Variants in EIF4E observed in about 807,000 individuals in gnomAD.
EIF4E encodes eIF-4F 25 kDa subunit.
For missense variants in EIF4E, 113 were observed against 265.6 expected (o/e 0.43, Z 3.99); for synonymous variants, 71 against 88.5 (o/e 0.80, Z 1.11).
chr4:98,906,546 C>G (rs554497787), intron 1 of EIF4E, among the ~76,000 whole-genome samples: 1 of 152,078 alleles, frequency 6.6e-6, no homozygotes, highest in Admixed American at 6.6e-5. Flanking sequence ...GGCATGGTGG[C>G]TCATCCCTGT....
At chr4:98,898,670 CAT>C (rs750651594) in intron 2 of EIF4E, among the ~76,000 whole-genome samples, 12 of 151,740 alleles carry the variant, frequency 7.9e-5, no homozygotes, top group South Asian at 2.1e-4. Flanking sequence ...CTTAGGTTAA[CAT>C]GTGATAGATT....
At chr4:98,915,387 A>G (rs2028686) in intron 1 of EIF4E, among the ~76,000 whole-genome samples, 13,236 of 152,134 alleles carry the variant, frequency 0.087, 1,275 homozygotes, top group East Asian at 0.49. Flanking sequence ...ATTACAGATT[A>G]TTTTTTCACA....
chr4:98,919,718 C>G (rs959686800), intron 1 of EIF4E, among the ~76,000 whole-genome samples: 1 of 151,868 alleles, frequency 6.6e-6, no homozygotes, highest in Non-Finnish European at 1.5e-5. Context: ...GCCACCACAC[C>G]CAGCTAATTT....
intron 2 of EIF4E, chr4:98,895,550 C>T (rs1724343802): frequency 6.6e-6 from 1 of 152,102 alleles, no homozygotes; most frequent in African/African-American, 2.4e-5. Flanking sequence ...ATAATTAATG[C>T]TTGGTAACTT....
chr4:98,914,403 T>G (rs1579178657), intron 1 of EIF4E, among the ~76,000 whole-genome samples: 1 of 145,120 alleles, frequency 6.9e-6, no homozygotes, highest in African/African-American at 2.6e-5. Context: ...TTTTTTTTTT[T>G]GCTTTTGACC....
At chr4:98,882,869 T>C (rs912149695) in intron 6 of EIF4E, among the ~76,000 whole-genome samples, 2 of 152,150 alleles carry the variant, frequency 1.3e-5, no homozygotes, top group African/African-American at 4.8e-5. Flanking sequence ...AATTAGGTTT[T>C]GATGCTGGAA....
chr4:98,907,037 A>G (rs1203165777), intron 1 of EIF4E, among the ~76,000 whole-genome samples: 1 of 152,198 alleles, frequency 6.6e-6, no homozygotes, highest in Non-Finnish European at 1.5e-5. Context: ...TGTTAAGTGA[A>G]TGGTTACCTG....
intron 1 of EIF4E, chr4:98,909,430 A>C (rs548848418): frequency 2.1e-6 from 1 of 475,408 alleles, no homozygotes; most frequent in South Asian, 4.0e-5. Flanking sequence ...ACAATCACAT[A>C]AAAAGAATCA....
chr4:98,928,431 C>T (rs1721315511), intron 1 of EIF4E, among the ~76,000 whole-genome samples: 1 of 152,084 alleles, frequency 6.6e-6, no homozygotes, highest in African/African-American at 2.4e-5. Flanking sequence ...TCTCGCTTCC[C>T]CTGGCGCAAA....
chr4:98,910,067 T>C, intron 1 of EIF4E: 1 of 275,964 alleles, frequency 3.6e-6, no homozygotes, highest in Non-Finnish European at 6.6e-6. Context: ...ACTGAAAAAC[T>C]GCCTCAGGCT....
intron 5 of EIF4E, among the ~76,000 whole-genome samples, chr4:98,885,483 T>C (rs372162177): frequency 1.3e-5 from 2 of 152,330 alleles, no homozygotes; most frequent in South Asian, 2.1e-4. Context: ...GGTCTTGCTC[T>C]GTCACCCTGG....
At chr4:98,881,409 G>T (rs1560631124) in intron 6 of EIF4E, among the ~76,000 whole-genome samples, 1 of 151,702 alleles carries the variant, frequency 6.6e-6, no homozygotes, top group African/African-American at 2.4e-5. Context: ...TTATTATATT[G>T]TTATTTATTA....
chr4:98,910,228 C>T (rs1056874749), intron 1 of EIF4E, among the ~76,000 whole-genome samples: 10 of 151,970 alleles, frequency 6.6e-5, no homozygotes, highest in Admixed American at 5.9e-4. Flanking sequence ...TATACTCCTC[C>T]CTTAACCGAG....
intron 1 of EIF4E, among the ~76,000 whole-genome samples, chr4:98,908,569 T>C (rs1246907867): frequency 6.6e-6 from 1 of 152,172 alleles, no homozygotes; most frequent in Non-Finnish European, 1.5e-5. Context: ...AATAAAGGTA[T>C]GAAATAATGA....
chr4:98,928,505 G>A (rs991991921), intron 1 of EIF4E, among the ~76,000 whole-genome samples: 19 of 152,142 alleles, frequency 1.2e-4, no homozygotes, highest in Admixed American at 1.2e-3. Flanking sequence ...CCCTAAGCGA[G>A]GTCGAAGCTC....
intron 2 of EIF4E, among the ~76,000 whole-genome samples, chr4:98,900,245 C>T (rs1292140248): frequency 1.3e-5 from 2 of 152,066 alleles, no homozygotes; most frequent in Middle Eastern, 3.2e-3. Context: ...CAACCTAATA[C>T]ATGTGGTACA....
At chr4:98,924,328 C>T (rs1038066859) in intron 1 of EIF4E, among the ~76,000 whole-genome samples, 2 of 152,188 alleles carry the variant, frequency 1.3e-5, no homozygotes, top group East Asian at 1.9e-4. Context: ...CTACCCACCT[C>T]GGCCTCCCAA....
At chr4:98,889,084 A>G (rs1273830968) in intron 3 of EIF4E, among the ~76,000 whole-genome samples, 1 of 151,714 alleles carries the variant, frequency 6.6e-6, no homozygotes, top group African/African-American at 2.4e-5. Flanking sequence ...GCTTGAACCC[A>G]GGAGGCGGAG....
At chr4:98,920,677 GA>G (rs1163331902) in intron 1 of EIF4E, among the ~76,000 whole-genome samples, 3 of 149,594 alleles carry the variant, frequency 2.0e-5, no homozygotes, top group Non-Finnish European at 4.5e-5. Flanking sequence ...CTAAGTCAAA[GA>G]AAAAAAACAA....
Sources: gnomAD v4.1 joint callset for allele counts (sites outside exome capture counted in the v4.1 genomes callset) on GRCh38, gnomAD v4.1.1 for gene constraint, MANE v1.5 for transcripts, NCBI Gene and HGNC (gene_info 2026-07-23, HGNC 2026-07-21) for gene names.